PSME4: variants seen among roughly 807,000 people sequenced by gnomAD.
The protein encoded by PSME4 is proteasome activator subunit 4, also known as proteasome activator complex subunit 4.
A neutral mutation model predicts 253.9 loss-of-function variants in PSME4; 89 were observed. The ratio of observed to expected loss-of-function variants is 0.35; its 90% CI spans 0.30 to 0.42. The LOEUF is 0.42. PSME4 is among the 10% of genes least tolerant of loss of function. PSME4 has a pLI of 1.00. For synonymous variants in PSME4, 851 were observed against 759.2 expected (o/e 1.12, Z -1.99); for missense variants, 2,014 against 2,195.2 (o/e 0.92, Z 1.65).
chr2:53,878,642 G>A (rs112292693), intron 41 of PSME4, among the ~76,000 whole-genome samples: 193 of 152,316 alleles, frequency 1.3e-3, no homozygotes, highest in African/African-American at 4.4e-3. Flanking sequence ...CTTTGGGGAC[G>A]GCTGTCTTTT....
rs375004808 is a variant in PSME4, at chr2:53,952,499, T to C, written c.243-3216A>G. Among the ~76,000 whole-genome samples the C allele has an allele frequency of 7.9e-5, 12 of 152,226 alleles. No homozygotes were observed. In the East Asian group the frequency reaches 1.4e-3, roughly 17 times the overall value. Reference sequence around the variant, plus strand: ...GGAGGTTGCAGCTGAGCCGAGATGGTGCTAGAGTTCTCCAGCCTGGGCAAC... The same window carrying C: ...GGAGGTTGCAGCTGAGCCGAGATGGCGCTAGAGTTCTCCAGCCTGGGCAAC... On this transcript the variant is annotated intron_variant, in intron 1 of 46. Transcript: ENST00000404125.
chr2:53,890,284 GAAA>G, intron 36 of PSME4, 76 bp from the exon 37 acceptor site: 1 of 991,050 alleles, frequency 1.0e-6, no homozygotes, highest in Non-Finnish European at 1.6e-6. Flanking sequence ...TCTTTACCTG[GAAA>G]TGTACACACA....
rs150146544 is a variant in PSME4 at position 53,918,682 on chromosome 2, G to A, written c.2516+469C>T. Among the ~76,000 whole-genome samples, 456 of 152,042 alleles carry A rather than the reference G, an allele frequency of 3.0e-3. 2 individuals are homozygous for A. Among genetic ancestry groups the A allele is most frequent in the African/African-American group, 0.011 (438 of 41,462 alleles). On this transcript the variant is annotated intron_variant, in intron 20 of 46. Coordinates refer to ENST00000404125, the MANE Select transcript of PSME4 (RefSeq NM_014614.3). The stretch of plus-strand genomic sequence containing the variant: ...CGGAGCTAACAACGGATTCAATTTA[G>A]CTATTCACTCGAAGTAATAATACTC...
chr2:53,872,665 TCAG>T (rs1678931641), intron 43 of PSME4, among the ~76,000 whole-genome samples: 1 of 132,536 alleles, frequency 7.5e-6, no homozygotes, highest in Admixed American at 9.2e-5. Context: ...TCACTTGAGC[TCAG>T]GAGGCAGAGG....
At chr2:53,876,767 G>GGAGT (rs10684308) in intron 41 of PSME4, among the ~76,000 whole-genome samples, 34,153 of 133,968 alleles carry the variant, frequency 0.25, 4,799 homozygotes, top group African/African-American at 0.4. Flanking sequence ...AGCCCAGGCT[G>GGAGT]GAGTGTAGTG....
chr2:53,939,785 T>C (rs528355680), intron 4 of PSME4, among the ~76,000 whole-genome samples, 171 bp downstream of exon 4: 1 of 152,222 alleles, frequency 6.6e-6, no homozygotes, highest in East Asian at 1.9e-4. Context: ...AATTTCTAAA[T>C]GAAATCTGAG....
chr2:53,917,606 A>G (rs1396428604), intron 20 of PSME4, among the ~76,000 whole-genome samples: 3 of 152,180 alleles, frequency 2.0e-5, no homozygotes, highest in Non-Finnish European at 4.4e-5. Flanking sequence ...TTAAAAATAC[A>G]TGCTTTTGCT....
At position 53,869,399 on chromosome 2, in the gene PSME4, A is replaced by G; in HGVS notation, c.5240T>C (p.Val1747Ala). ...PKKRKRDPGS[V>A]GDTIPSAELV... is the part of the protein sequence containing the mutation. ...ACCTGCAGAAGGAATGGTATCTCCT[A>G]CAGAACCAGGGTCTCGCTTTCTTTT... is the stretch of plus-strand genomic sequence containing the variant. Residue 1747 changes from valine (V) to alanine (A), a missense_variant, in exon 44 of 47, where the codon GTA becomes GCA. Val to Ala is a moderately conservative substitution (Grantham distance 64). Around this residue, in one of 4 missense-constraint regions of PSME4, gnomAD observed 403 missense variants for 556.1 expected, o/e 0.72. Coordinates refer to ENST00000404125, the MANE Select transcript of PSME4 (RefSeq NM_014614.3). 6.2e-7 allele frequency: 1 copy of G among 1,610,410 alleles called. No homozygotes were observed. The highest frequency in any genetic ancestry group is 8.5e-7 in the Non-Finnish European group (1 of 1,177,424).
intron 44 of PSME4, among the ~76,000 whole-genome samples, chr2:53,868,899 G>A (rs1205192765): frequency 1.3e-5 from 2 of 151,830 alleles, no homozygotes; most frequent in Admixed American, 6.6e-5. Flanking sequence ...TTTATCTTGT[G>A]TCTATATTCA....
At chr2:53,935,068 C>G (rs1669040468) in intron 7 of PSME4, among the ~76,000 whole-genome samples, 1 of 151,996 alleles carries the variant, frequency 6.6e-6, no homozygotes, top group Non-Finnish European at 1.5e-5. Context: ...CTTTCTTGTC[C>G]CAAATGCACA....
At chr2:53,892,068 C>G (rs1284027692) in intron 36 of PSME4, among the ~76,000 whole-genome samples, 1 of 152,158 alleles carries the variant, frequency 6.6e-6, no homozygotes, top group East Asian at 1.9e-4. Flanking sequence ...TTATGTTTTG[C>G]AAAACAGGTA....
chr2:53,908,619 G>C, intron 22 of PSME4, 54 bp from the exon 23 acceptor site: 1 of 1,534,708 alleles, frequency 6.5e-7, no homozygotes, highest in African/African-American at 1.4e-5. Flanking sequence ...ACTACTATAA[G>C]AATCTTGAGG....
chr2:53,953,233 G>A (rs1670078753), intron 1 of PSME4, among the ~76,000 whole-genome samples: 1 of 151,846 alleles, frequency 6.6e-6, no homozygotes, highest in African/African-American at 2.4e-5. Context: ...TTAATAAATT[G>A]GTCTTTATCA....
At chr2:53,958,785 A>C (rs1310352041) in intron 1 of PSME4, among the ~76,000 whole-genome samples, 1 of 151,998 alleles carries the variant, frequency 6.6e-6, no homozygotes, top group Non-Finnish European at 1.5e-5. Context: ...AAACACTTTT[A>C]GACTAAACTT....
intron 24 of PSME4, among the ~76,000 whole-genome samples, chr2:53,907,716 C>T (rs1312847701): frequency 6.6e-6 from 1 of 152,206 alleles, no homozygotes; most frequent in African/African-American, 2.4e-5. Context: ...TCTACAGCCC[C>T]TGGCCCCTAA....
chr2:53,887,186 G>C, intron 40 of PSME4, 73 bp downstream of exon 40: 1 of 1,331,400 alleles, frequency 7.5e-7, no homozygotes, highest in Non-Finnish European at 1.1e-6. Context: ...AATAAAAAAA[G>C]TGGTGCAAAA....
intron 1 of PSME4, among the ~76,000 whole-genome samples, chr2:53,957,377 A>C (rs1670283834): frequency 6.6e-6 from 1 of 152,188 alleles, no homozygotes; most frequent in African/African-American, 2.4e-5. Context: ...GGGAGTCCTG[A>C]GCTTATTTTC....
chr2:53,932,245 T>C, intron 9 of PSME4, 145 bp from the exon 10 acceptor site: 1 of 682,392 alleles, frequency 1.5e-6, no homozygotes. Flanking sequence ...CATAACTAGA[T>C]AGAATTAAAA....
At chr2:53,911,786 CATATT>C (rs1325605287) in intron 20 of PSME4, among the ~76,000 whole-genome samples, 1 of 152,070 alleles carries the variant, frequency 6.6e-6, no homozygotes, top group Non-Finnish European at 1.5e-5. Flanking sequence ...TAGTTACTGT[CATATT>C]ATACAAATTA....
Sources: gnomAD v4.1 joint callset for allele counts (sites outside exome capture counted in the v4.1 genomes callset) on GRCh38, gnomAD v4.1.1 for gene constraint, gnomAD v4.1.1 regional missense constraint, MANE v1.5 for transcripts, NCBI Gene and HGNC (gene_info 2026-07-23, HGNC 2026-07-21) for gene names.